Variants in TFEB observed in about 807,000 individuals in gnomAD.
The protein encoded by TFEB is T-cell transcription factor EB.
Under a neutral mutation model 48.0 loss-of-function variants are expected in TFEB, and 12 were observed. The observed-to-expected ratio is 0.25, with a 90% CI of 0.16 to 0.40. TFEB has a LOEUF of 0.40. Among genes scored for constraint, TFEB ranks in the 10% least tolerant of loss-of-function variants. The pLI is 1.00. For synonymous variants in TFEB, 244 were observed against 261.4 expected, an observed-to-expected ratio of 0.93 and a Z score of 0.64; for missense variants, 509 against 640.3, an observed-to-expected ratio of 0.79 and a Z score of 2.21.
chr6:41,701,153 A>C (rs1488415447), intron 1 of TFEB, among the ~76,000 whole-genome samples: 1 of 152,192 alleles, frequency 6.6e-6, no homozygotes, highest in Admixed American at 6.5e-5. Flanking sequence ...GCACACATGC[A>C]CACATGTCCA....
intron 1 of TFEB, among the ~76,000 whole-genome samples, chr6:41,702,031 C>G (rs1352719363): frequency 6.6e-6 from 1 of 152,024 alleles, no homozygotes; most frequent in Non-Finnish European, 1.5e-5. Context: ...GCCCAGGTCT[C>G]TCAGGTATGT....
intron 1 of TFEB, among the ~76,000 whole-genome samples, chr6:41,702,871 G>A (rs542036398): frequency 2.0e-5 from 3 of 152,298 alleles, no homozygotes; most frequent in South Asian, 2.1e-4. Flanking sequence ...CCCCCTCTCC[G>A]GGACTCAAGA....
chr6:41,726,641 A>T (rs909061477), intron 1 of TFEB, among the ~76,000 whole-genome samples: 3 of 152,108 alleles, frequency 2.0e-5, no homozygotes, highest in African/African-American at 7.2e-5. Flanking sequence ...GGGTTTCACC[A>T]TGTTGGCCAG....
At position 41,718,895 on chromosome 6, in the gene TFEB, G is replaced by A. The variant is rs115087301; in HGVS notation, c.-23+16455C>T. 3.2e-3 allele frequency among the ~76,000 whole-genome samples: 484 copies of A among 152,300 alleles called. 3 individuals carry two copies. The highest frequency in any genetic ancestry group is 0.011 in the African/African-American group (457 of 41,566). On this transcript the variant is annotated intron_variant, in intron 1 of 8. Coordinates refer to ENST00000373033, the MANE Select transcript of TFEB (RefSeq NM_001271944.2). ...CTAAAGAATTCCTGACAGCTCTGGA[G>A]ATTCAAGTAGTCTAGCACAGGGGTC...
Position 41,691,137 on chromosome 6 carries a change from T to C in TFEB, c.77A>G (p.Gln26Arg), listed in dbSNP as rs1368820263. 3 of 1,589,320 alleles carry C rather than the reference T, an allele frequency of 1.9e-6. No homozygotes were observed. Among genetic ancestry groups the C allele is most frequent in the Non-Finnish European group, 2.6e-6 (3 of 1,166,306 alleles). Reference protein sequence around the residue: ...AQQEEQRERMQQQAVMHYMQQ... With the variant: ...AQQEEQRERMRQQAVMHYMQQ... Reference sequence around the variant, plus strand: ...CATGTAATGCATGACAGCCTGTTGCTGCATGCGCTCCCGCTGCTCCTCCTG... The same window carrying C: ...CATGTAATGCATGACAGCCTGTTGCCGCATGCGCTCCCGCTGCTCCTCCTG... The change falls in exon 2 of 9, where the codon CAG becomes CGG. Residue 26 changes from glutamine (Q) to arginine (R), a missense_variant. Physicochemically the swap from Gln to Arg is conservative, Grantham distance 43. Around this residue, in one of 4 missense-constraint regions of TFEB, gnomAD observed 251 missense variants for 317.2 expected, o/e 0.79. Coordinates refer to ENST00000373033, the MANE Select transcript of TFEB (RefSeq NM_001271944.2). The surrounding 1 kb of genome is among the most constrained non-coding windows in gnomAD (Gnocchi z 5.2).
intron 1 of TFEB, chr6:41,733,666 T>C: frequency 1.0e-6 from 1 of 985,286 alleles, no homozygotes; most frequent in African/African-American, 1.7e-5. Context: ...AAGCATACCG[T>C]CAGGTTAGCA....
chr6:41,700,415 G>A (rs1769845807), intron 1 of TFEB, among the ~76,000 whole-genome samples: 3 of 147,934 alleles, frequency 2.0e-5, no homozygotes, highest in African/African-American at 2.5e-5. Flanking sequence ...GCAGTGAGCC[G>A]AGATCTCGCC....
chr6:41,697,689 T>A (rs1193841741), intron 1 of TFEB, among the ~76,000 whole-genome samples: 1 of 152,200 alleles, frequency 6.6e-6, no homozygotes, highest in Non-Finnish European at 1.5e-5. Flanking sequence ...AAGGATGTTG[T>A]GCATAAAGAT....
intron 1 of TFEB, among the ~76,000 whole-genome samples, chr6:41,707,690 G>T (rs1770299338): frequency 6.6e-6 from 1 of 152,236 alleles, no homozygotes; most frequent in Admixed American, 6.5e-5. Flanking sequence ...CCCAGGGGAA[G>T]AAGGCTCCTC....
At chr6:41,733,926 C>T (rs2127281885) in intron 1 of TFEB, 1 of 977,118 alleles carries the variant, frequency 1.0e-6, no homozygotes, top group Non-Finnish European at 1.2e-6. Context: ...AGGTCTGGGC[C>T]AATGGAATCT....
intron 1 of TFEB, among the ~76,000 whole-genome samples, chr6:41,705,496 T>C (rs1463500034): frequency 1.3e-5 from 2 of 152,130 alleles, no homozygotes; most frequent in Non-Finnish European, 2.9e-5. Flanking sequence ...CCCACTCCCA[T>C]GTACACTCAC....
chr6:41,735,570 G>A lies in TFEB; in HGVS notation c.-243C>T. 1.0e-6 allele frequency: 1 copy of A among 984,724 alleles called. No homozygotes were observed. The highest frequency in any genetic ancestry group is 1.2e-6 in the Non-Finnish European group (1 of 829,654). 61.0% of individuals were successfully genotyped at this position (984,724 alleles called of 1,614,324 possible). ...GGGCCGCCGCCTCCGCTGTCACCGA[G>A]CCCCGCGCCCGGCGCCCGGGCTCCG... On this transcript the variant is annotated 5_prime_UTR_variant, in exon 1 of 9. Coordinates refer to ENST00000373033, the MANE Select transcript of TFEB (RefSeq NM_001271944.2).
chr6:41,688,194 C>T, intron 4 of TFEB, 166 bp from the exon 5 acceptor site: 1 of 794,708 alleles, frequency 1.3e-6, no homozygotes, highest in South Asian at 2.0e-5. Flanking sequence ...CTGCAGAGTC[C>T]AGAGCTATTA....
At chr6:41,726,029 A>G (rs868267811) in intron 1 of TFEB, among the ~76,000 whole-genome samples, 51 of 152,348 alleles carry the variant, frequency 3.3e-4, no homozygotes, top group Middle Eastern at 3.4e-3. Flanking sequence ...GAATCGCTTG[A>G]GCTGGGGAGG....
At chr6:41,688,963 G>A (rs1366531028) in intron 4 of TFEB, among the ~76,000 whole-genome samples, 6 of 152,214 alleles carry the variant, frequency 3.9e-5, no homozygotes, top group African/African-American at 1.2e-4. Context: ...AAAAGTGGGT[G>A]GAAGGGGCGC....
intron 1 of TFEB, among the ~76,000 whole-genome samples, chr6:41,717,399 C>T (rs1770784984): frequency 6.6e-6 from 1 of 152,172 alleles, no homozygotes; most frequent in Admixed American, 6.5e-5. Context: ...TGGATATCTG[C>T]ATATGGATTG....
At position 41,689,757 on chromosome 6, in the gene TFEB, T is replaced by A. The variant is rs1262423668; in HGVS notation, c.523A>T (p.Asn175Tyr). 1 of 1,614,060 alleles carries A rather than the reference T, an allele frequency of 6.2e-7. No homozygotes were observed. Among genetic ancestry groups the A allele is most frequent in the Non-Finnish European group, 8.5e-7 (1 of 1,180,030 alleles). The change falls in exon 4 of 9, where the codon AAT becomes TAT. Residue 175 changes from asparagine to tyrosine, a missense_variant. Asn to Tyr is a moderately radical substitution (Grantham distance 143, BLOSUM62 -2). Transcript: ENST00000373033. Reference sequence around the variant, plus strand: ...GTGTTGGGCATCTGCATTTCAGGATTGATGTAGCCAAGGACATCGTCCAGA... The same window carrying A: ...GTGTTGGGCATCTGCATTTCAGGATAGATGTAGCCAAGGACATCGTCCAGA... ...MRLDDVLGYI[N>Y]PEMQMPNTLP...
Position 41,723,504 on chromosome 6 carries a change from A to G in TFEB, c.-23+11846T>C, listed in dbSNP as rs1205047444. On this transcript the variant is annotated intron_variant, in intron 1 of 8. Coordinates refer to ENST00000373033, the MANE Select transcript of TFEB (RefSeq NM_001271944.2). The surrounding 1 kb of genome is among the most constrained non-coding windows in gnomAD (Gnocchi z 6.0). ...CTGGAAGGAGGCCCCTGGAATGCTC[A>G]GCTCCTCCAGGGGCCGGAGCCCAGG... 3.8e-5 allele frequency: 49 copies of G among 1,289,002 alleles called. No homozygotes were observed. The highest frequency in any genetic ancestry group is 4.5e-5 in the Non-Finnish European group (44 of 988,702). The allele number at this position is 1,289,002 out of a possible 1,614,324, so 79.8% of individuals were successfully genotyped here. A position where few individuals can be genotyped will look rare whatever the true frequency, so the allele number is the denominator to read the frequency against.
At chr6:41,688,337 G>C (rs1769124115) in intron 4 of TFEB, 1 of 284,398 alleles carries the variant, frequency 3.5e-6, no homozygotes, top group Non-Finnish European at 6.6e-6. Flanking sequence ...ATCAATTCTA[G>C]AGTTTCTGGA....
Sources: allele counts gnomAD v4.1 joint callset (sites outside exome capture counted in the v4.1 genomes callset), GRCh38; gene constraint gnomAD v4.1.1; regional missense constraint gnomAD v4.1.1; non-coding constraint Gnocchi (gnomAD v3.1); transcripts MANE v1.5; gene names NCBI Gene and HGNC (gene_info 2026-07-23, HGNC 2026-07-21).